The following TGFBRAP1 variants were observed in gnomAD, a reference collection of about 807,000 sequenced individuals.
TGFBRAP1 encodes transforming growth factor beta receptor associated protein 1, also known as transforming growth factor-beta receptor-associated protein 1.
A neutral mutation model predicts 83.2 loss-of-function variants in TGFBRAP1; 20 were observed. The observed-to-expected ratio is 0.24, with a 90% confidence interval of 0.17 to 0.35. The LOEUF (loss-of-function observed/expected upper bound fraction) is 0.35. Ranked by LOEUF, TGFBRAP1 falls within the 10% of genes least tolerant of loss-of-function variation. The pLI is 1.00. For synonymous variants in TGFBRAP1, 415 were observed against 459.8 expected (o/e 0.90, Z 1.25); for missense variants, 950 against 1,099.4 (o/e 0.86, Z 1.92).
intron 8 of TGFBRAP1, among the ~76,000 whole-genome samples, chr2:105,274,945 G>A (rs191274802): frequency 5.3e-5 from 8 of 152,328 alleles, no homozygotes; most frequent in East Asian, 3.9e-4. Flanking sequence ...CCAGTCACCT[G>A]TGGTCACCTG....
downstream of TGFBRAP1, among the ~76,000 whole-genome samples, chr2:105,263,271 G>A (rs1232221043): frequency 6.6e-6 from 1 of 152,170 alleles, no homozygotes; most frequent in Non-Finnish European, 1.5e-5. Context: ...GTAAAAATGA[G>A]AAAAGAATAT....
In TGFBRAP1 at chr2:105,277,650, G is replaced by A; in HGVS notation, c.1485C>T (p.Leu495=). ...KHKKYFALGL[L]YHYNNQDAAA... The stretch of plus-strand genomic sequence containing the variant: ...CAGCATCTTGGTTATTATAATGATA[G>A]AGCAGTCCAAGTGCAAAATACCTGA... Residue 495 remains leucine (L), a synonymous_variant, in exon 7 of 12, where the codon CTC becomes CTT. Transcript: ENST00000393359. 6.2e-7 allele frequency: 1 copy of A among 1,614,120 alleles called. No homozygotes were observed. Among genetic ancestry groups the A allele is most frequent in the South Asian group, 1.1e-5 (1 of 91,074 alleles).
At chr2:105,284,623 C>T (rs1317875017) in intron 4 of TGFBRAP1, among the ~76,000 whole-genome samples, 2 of 152,256 alleles carry the variant, frequency 1.3e-5, no homozygotes, top group South Asian at 2.1e-4. Context: ...TCCAATACTC[C>T]TCCTCATTAA....
Position 105,269,277 on chromosome 2 carries a change from C to G in TGFBRAP1, c.2401G>C (p.Asp801His), listed in dbSNP as rs1033506590. The G allele has an allele frequency of 6.3e-7, 1 of 1,598,784 alleles. No homozygotes were observed. Among genetic ancestry groups the G allele is most frequent in the Non-Finnish European group, 8.6e-7 (1 of 1,168,290 alleles). Residue 801 changes from aspartate (D) to histidine (H), a missense_variant, in exon 11 of 12, where the codon GAT (aspartate) becomes CAT (histidine). Physicochemically the swap from Asp to His is moderately conservative, Grantham distance 81. Transcript: ENST00000393359. The surrounding 1 kb of genome is among the most constrained non-coding windows in gnomAD (Gnocchi z 4.1). ...TCGTGGGGGCCAGCACTTACCTTAT[C>G]GTAGGTGTAGATTAAGTTTTCGGAC... is the stretch of plus-strand genomic sequence containing the variant. ...ARSENLIYTY[D>H]KMKLKGSSIQ... is the part of the protein sequence containing the mutation.
At chr2:105,262,911 G>C (rs6749541), downstream of TGFBRAP1, among the ~76,000 whole-genome samples, 26,028 of 152,180 alleles carry the variant, frequency 0.17, 2,736 homozygotes, top group East Asian at 0.51. Flanking sequence ...GAAGGTGAAA[G>C]GGCCTCTAGT....
chr2:105,270,807 T>A (rs1573156882), intron 10 of TGFBRAP1, among the ~76,000 whole-genome samples: 1 of 152,174 alleles, frequency 6.6e-6, no homozygotes. Flanking sequence ...CTGGGTGAGG[T>A]ACAAAGACAG....
downstream of TGFBRAP1, among the ~76,000 whole-genome samples, chr2:105,262,236 G>A (rs897800895): frequency 6.6e-6 from 1 of 152,160 alleles, no homozygotes; most frequent in Non-Finnish European, 1.5e-5. Context: ...GTTGGAGGTG[G>A]GGCCTAGTGG....
At chr2:105,316,021 T>G (rs182470200) in intron 1 of TGFBRAP1, among the ~76,000 whole-genome samples, 1 of 152,252 alleles carries the variant, frequency 6.6e-6, no homozygotes, top group African/African-American at 2.4e-5. Context: ...TAAAAAGAAG[T>G]AAACTACTGA....
At chr2:105,314,713 C>G (rs1419727004) in intron 1 of TGFBRAP1, among the ~76,000 whole-genome samples, 1 of 151,654 alleles carries the variant, frequency 6.6e-6, no homozygotes, top group Non-Finnish European at 1.5e-5. Flanking sequence ...TGTTGGGAGG[C>G]CAAGGCAGGT....
the TGFBRAP1 span, among the ~76,000 whole-genome samples, chr2:105,250,852 C>T: frequency 2.6e-5 from 4 of 152,254 alleles, no homozygotes; most frequent in South Asian, 2.1e-4. Context: ...GACGGGGTTT[C>T]GCCGTGTTGG....
At chr2:105,290,727 G>T (rs1394709928) in intron 4 of TGFBRAP1, among the ~76,000 whole-genome samples, 3 of 151,694 alleles carry the variant, frequency 2.0e-5, no homozygotes, top group Non-Finnish European at 4.4e-5. Context: ...AAAACCAGCT[G>T]GGCAAGGTGG....
intron 1 of TGFBRAP1, among the ~76,000 whole-genome samples, chr2:105,320,262 G>C (rs1377375928): frequency 6.6e-6 from 1 of 152,130 alleles, no homozygotes; most frequent in Non-Finnish European, 1.5e-5. Context: ...CCCTGGGGGA[G>C]GAACCGCAAA....
chr2:105,275,057 T>A (rs950796480), intron 8 of TGFBRAP1, among the ~76,000 whole-genome samples: 44 of 152,070 alleles, frequency 2.9e-4, no homozygotes, highest in African/African-American at 1.0e-3. Context: ...ACAGGCCGAG[T>A]CTTGCTCATG....
Position 105,316,420 on chromosome 2 carries a change from AGTGTGTGTGTGTGTGT to A in TGFBRAP1, c.-17-8118_-17-8103del, listed in dbSNP as rs71393002. The stretch of plus-strand genomic sequence containing the variant: ...AATACAAACTCTTACAGGTATAGGG[AGTGTGTGTGTGTGTGT>A]GTGTGTGTGTGTGTGTGTGTGTGTG... On this transcript the variant is annotated intron_variant, in intron 1 of 11. Coordinates refer to ENST00000393359, the MANE Select transcript of TGFBRAP1 (RefSeq NM_004257.6). Among the ~76,000 whole-genome samples the A allele has an allele frequency of 1.8e-3, 193 of 109,138 alleles. 3 individuals are homozygous for A. Among genetic ancestry groups the A allele is most frequent in the African/African-American group, 6.2e-3 (172 of 27,716 alleles). 71.6% of individuals were successfully genotyped at this position (109,138 alleles called of 152,430 possible). A position where few individuals can be genotyped will look rare whatever the true frequency, so the allele number is the denominator to read the frequency against.
At chr2:105,319,462 T>G (rs1573221431) in intron 1 of TGFBRAP1, among the ~76,000 whole-genome samples, 1 of 149,158 alleles carries the variant, frequency 6.7e-6, no homozygotes, top group African/African-American at 2.4e-5. Flanking sequence ...GAGACTGAGG[T>G]GGGTAGATCA....
intron 1 of TGFBRAP1, among the ~76,000 whole-genome samples, chr2:105,312,197 C>T (rs1203283492): frequency 6.6e-6 from 1 of 152,036 alleles, no homozygotes; most frequent in African/African-American, 2.4e-5. Flanking sequence ...CACTTTAAGG[C>T]TTACCTATAA....
chr2:105,306,003 C>T (rs1474402710), intron 2 of TGFBRAP1, among the ~76,000 whole-genome samples: 1 of 151,510 alleles, frequency 6.6e-6, no homozygotes, highest in Non-Finnish European at 1.5e-5. Context: ...TGACAACCCA[C>T]TCTTGTGGGA....
the TGFBRAP1 span, among the ~76,000 whole-genome samples, chr2:105,250,616 T>TCTCCCTCTCCCTCCA: frequency 8.6e-6 from 1 of 115,608 alleles, no homozygotes; most frequent in Admixed American, 8.5e-5. Flanking sequence ...CTCTCCCTCC[T>TCTCCCTCTCCCTCCA]CTCCCTCTCC....
Position 105,269,132 on chromosome 2 carries a change from A to C in TGFBRAP1, c.2406+140T>G. On this transcript the variant is annotated intron_variant, in intron 11 of 11. Transcript: ENST00000393359. The surrounding 1 kb of genome is among the most constrained non-coding windows in gnomAD (Gnocchi z 4.1). ...GCTCACACAGACCTCAGTTTCTATG[A>C]GTAGGATCAGATATTGATGTGTTGT... is the stretch of plus-strand genomic sequence containing the variant. 1 of 1,127,488 alleles carries C rather than the reference A, an allele frequency of 8.9e-7. No homozygotes were observed. Among genetic ancestry groups the C allele is most frequent in the East Asian group, 2.6e-5 (1 of 37,890 alleles). 69.8% of individuals were successfully genotyped at this position (1,127,488 alleles called of 1,614,324 possible).
Sources: allele counts gnomAD v4.1 joint callset (sites outside exome capture counted in the v4.1 genomes callset), GRCh38; gene constraint gnomAD v4.1.1; non-coding constraint Gnocchi (gnomAD v3.1); transcripts MANE v1.5; gene names NCBI Gene and HGNC (gene_info 2026-07-23, HGNC 2026-07-21).